Variants in SUMF1 observed in about 807,000 individuals in gnomAD.
The protein encoded by SUMF1 is sulfatase modifying factor 1.
Under a neutral mutation model 47.6 loss-of-function variants are expected in SUMF1, and 48 were observed. The observed-to-expected ratio is 1.01, with a 90% CI of 0.80 to 1.28. The LOEUF (loss-of-function observed/expected upper bound fraction) is 1.28, where lower values mean the gene tolerates loss of function less well. Ranked by LOEUF, SUMF1 falls within the 50% of genes most tolerant of loss-of-function variation. The pLI, the probability that SUMF1 is intolerant of heterozygous loss-of-function variation, is 0.00. For missense variants in SUMF1, 571 were observed against 485.4 expected (o/e 1.18, Z -1.66); for synonymous variants, 230 against 192.1 (o/e 1.20, Z -1.63).
At chr3:4,296,306 T>TTAAAA (rs1553549740) in intron 8 of SUMF1, among the ~76,000 whole-genome samples, 1 of 143,572 alleles carries the variant, frequency 7.0e-6, no homozygotes, top group African/African-American at 2.5e-5. Context: ...GCAAAATAGT[T>TTAAAA]AAAAAAAAAA....
At chr3:4,165,750 T>A (rs1694685151) in intron 8 of SUMF1, among the ~76,000 whole-genome samples, 1 of 151,972 alleles carries the variant, frequency 6.6e-6, no homozygotes, top group African/African-American at 2.4e-5. Context: ...TTTCAAAGTT[T>A]GTGGGTCAAA....
intron 8 of SUMF1, among the ~76,000 whole-genome samples, chr3:4,218,614 G>A (rs1471272294): frequency 6.6e-6 from 1 of 152,144 alleles, no homozygotes; most frequent in Non-Finnish European, 1.5e-5. Context: ...GGATCTGCGT[G>A]AATGCCTGCT....
At chr3:4,131,493 A>G (rs1240526470) in intron 8 of SUMF1, among the ~76,000 whole-genome samples, 1 of 152,182 alleles carries the variant, frequency 6.6e-6, no homozygotes, top group Non-Finnish European at 1.5e-5. Flanking sequence ...GACATCCCTG[A>G]AGCACAGCAG....
chr3:4,090,063 G>C (rs1489472383), intron 8 of SUMF1, among the ~76,000 whole-genome samples: 1 of 152,094 alleles, frequency 6.6e-6, no homozygotes, highest in Non-Finnish European at 1.5e-5. Context: ...TGATTTTGTT[G>C]ACCAGGTATT....
chr3:4,449,457 T>G, intron 2 of SUMF1, 117 bp from the exon 3 acceptor site: 1 of 1,005,866 alleles, frequency 9.9e-7, no homozygotes, highest in Non-Finnish European at 1.6e-6. Flanking sequence ...ACTTGAGTCT[T>G]TCTTATGACT....
At position 4,105,321 on chromosome 3, in the gene SUMF1, G is replaced by A. The variant is rs576450012; in HGVS notation, c.1015-36576C>T. Reference sequence around the variant, plus strand: ...ATTTTGAGATCTCTCGCATAGGCTGGTGATTATAGTTAATAACAATGTGTA... The same window carrying A: ...ATTTTGAGATCTCTCGCATAGGCTGATGATTATAGTTAATAACAATGTGTA... On this transcript the variant is annotated intron_variant and NMD_transcript_variant, in intron 8 of 12. Coordinates refer to the SUMF1 transcript ENST00000448413. 2.6e-5 allele frequency among the ~76,000 whole-genome samples: 4 copies of A among 152,216 alleles called. No individual in the cohort carries two copies. In the South Asian group the frequency reaches 8.3e-4, roughly 32 times the overall value.
rs1171190872 is a variant in SUMF1 at position 4,350,619 on chromosome 3, A to G, written c.1014+25711T>C. Among the ~76,000 whole-genome samples, 4 of 152,214 alleles carry G rather than the reference A, an allele frequency of 2.6e-5. No individual in the cohort carries two copies. In the East Asian group the frequency reaches 7.7e-4, roughly 29 times the overall value. The stretch of plus-strand genomic sequence containing the variant: ...AAGCTCTGATAACTAAAAAATAATA[A>G]ATTTTCAAAGAAACTTGATAAATAG... On this transcript the variant is annotated intron_variant and NMD_transcript_variant, in intron 8 of 12. Transcript: ENST00000448413.
At chr3:4,285,997 A>G (rs906156106) in intron 8 of SUMF1, among the ~76,000 whole-genome samples, 12 of 152,296 alleles carry the variant, frequency 7.9e-5, no homozygotes, top group African/African-American at 2.9e-4. Context: ...ATACTTGCAG[A>G]AATATCCACC....
At chr3:4,222,212 C>T (rs993611269) in intron 8 of SUMF1, among the ~76,000 whole-genome samples, 1 of 151,836 alleles carries the variant, frequency 6.6e-6, no homozygotes, top group African/African-American at 2.4e-5. Flanking sequence ...AAAAATTATC[C>T]AAGATTTCTA....
Position 4,156,728 on chromosome 3 carries a change from A to T in SUMF1, c.1015-87983T>A, listed in dbSNP as rs1321791059. Reference sequence around the variant, plus strand: ...CTGGAGTAAGGAAATTTAATAGACTATAGAAAAGCATTTATTTCATTTAAT... The same window carrying T: ...CTGGAGTAAGGAAATTTAATAGACTTTAGAAAAGCATTTATTTCATTTAAT... On this transcript the variant is annotated intron_variant and NMD_transcript_variant, in intron 8 of 12. Coordinates refer to the SUMF1 transcript ENST00000448413. 2.0e-5 allele frequency among the ~76,000 whole-genome samples: 3 copies of T among 151,742 alleles called. 1 individual carries two copies. Among genetic ancestry groups the T allele is most frequent in the African/African-American group, 7.3e-5 (3 of 41,010 alleles).
intron 7 of SUMF1, among the ~76,000 whole-genome samples, chr3:4,389,426 G>A (rs1472932789): frequency 1.3e-5 from 2 of 151,076 alleles, no homozygotes; most frequent in African/African-American, 4.9e-5. Flanking sequence ...TTATAACGGT[G>A]TCTTCTTGTA....
chr3:4,089,592 T>TA (rs992341263), intron 8 of SUMF1, among the ~76,000 whole-genome samples: 1 of 152,052 alleles, frequency 6.6e-6, no homozygotes, highest in Non-Finnish European at 1.5e-5. Flanking sequence ...AATAAATAAA[T>TA]AAAGCACTGG....
intron 8 of SUMF1, among the ~76,000 whole-genome samples, chr3:4,174,139 G>A (rs761547818): frequency 3.9e-5 from 6 of 151,932 alleles, no homozygotes; most frequent in Non-Finnish European, 7.4e-5. Flanking sequence ...GGTGGATCAT[G>A]AGGTCAGGAG....
Position 4,418,152 on chromosome 3 carries a change from G to A in SUMF1, c.603-20C>T, listed in dbSNP as rs1701777919. 1.2e-6 allele frequency: 2 copies of A among 1,613,892 alleles called. No homozygotes were observed. The highest frequency in any genetic ancestry group is 2.7e-5 in the African/African-American group (2 of 75,058). On this transcript the variant is annotated intron_variant, in intron 4 of 8. Transcript: ENST00000272902. ...TCCGGCCTGGGGAAGAGCAAAAGTA[G>A]AATGAAAAGTGACACCAATCAGAAC...
Position 4,417,158 on chromosome 3 carries a change from A to G in SUMF1, c.810T>C (p.Thr270=), listed in dbSNP as rs748971955. 2 of 1,613,924 alleles carry G rather than the reference A, an allele frequency of 1.2e-6. No individual in the cohort carries two copies. Among genetic ancestry groups the G allele is most frequent in the Non-Finnish European group, 1.7e-6 (2 of 1,179,892 alleles). The change falls in exon 6 of 9, where the codon ACT becomes ACC. Residue 270 remains threonine (T), a synonymous_variant. Transcript: ENST00000272902. The part of the protein sequence containing the change: ...IWQGEFPVTN[T]GEDGFQGTAP... ...CAGTTCCTTGGAAGCCATCCTCACC[A>G]GTGTTGGTCACCGGAAACTCGCCCT... is the stretch of plus-strand genomic sequence containing the variant.
intron 8 of SUMF1, among the ~76,000 whole-genome samples, chr3:4,172,980 G>C (rs1437964496): frequency 1.3e-5 from 2 of 152,148 alleles, no homozygotes; most frequent in East Asian, 3.9e-4. Flanking sequence ...GGTTTCTATG[G>C]TTTTAAGTCT....
chr3:4,096,279 C>A (rs1052323030), intron 8 of SUMF1, among the ~76,000 whole-genome samples: 2 of 152,124 alleles, frequency 1.3e-5, no homozygotes, highest in African/African-American at 4.8e-5. Flanking sequence ...GTGAGGACTG[C>A]AACACAAGGA....
intron 8 of SUMF1, among the ~76,000 whole-genome samples, chr3:4,298,151 T>C (rs1295525566): frequency 2.0e-5 from 3 of 152,200 alleles, no homozygotes; most frequent in African/African-American, 4.8e-5. Context: ...TTTATGGAAA[T>C]CTATTAGGGC....
At chr3:4,096,058 C>T (rs1228714498) in intron 8 of SUMF1, among the ~76,000 whole-genome samples, 2 of 152,102 alleles carry the variant, frequency 1.3e-5, no homozygotes, top group Non-Finnish European at 2.9e-5. Flanking sequence ...AGGCATAGCC[C>T]ACCGGCTTAG....
Sources: allele counts gnomAD v4.1 joint callset (sites outside exome capture counted in the v4.1 genomes callset), GRCh38; gene constraint gnomAD v4.1.1; transcripts MANE v1.5; gene names NCBI Gene and HGNC (gene_info 2026-07-23, HGNC 2026-07-21).